The following TRPM7 variants were observed in gnomAD, a reference collection of about 807,000 sequenced individuals.
The protein encoded by TRPM7 is transient receptor potential cation channel subfamily M member 7.
A neutral mutation model predicts 229.7 loss-of-function variants in TRPM7; 134 were observed. The ratio of observed to expected loss-of-function variants is 0.58; its 90% CI spans 0.51 to 0.67. TRPM7 has a LOEUF of 0.67. Among genes scored for constraint, TRPM7 ranks in the 30% least tolerant of loss-of-function variants. The pLI is 0.00. For missense variants in TRPM7, 1,901 were observed against 2,210.0 expected (o/e 0.86, Z 2.80); for synonymous variants, 699 against 715.2 (o/e 0.98, Z 0.36).
chr15:50,659,836 T>G (rs2061682114), intron 2 of TRPM7, among the ~76,000 whole-genome samples: 1 of 152,030 alleles, frequency 6.6e-6, no homozygotes, highest in Non-Finnish European at 1.5e-5. Flanking sequence ...CCCAGCTAGT[T>G]TTTATATTTT....
intron 21 of TRPM7, among the ~76,000 whole-genome samples, chr15:50,600,996 G>C (rs1470429758): frequency 6.6e-6 from 1 of 152,190 alleles, no homozygotes; most frequent in Admixed American, 6.5e-5. Flanking sequence ...GAACAGTACT[G>C]AGAGAATGCA....
chr15:50,680,010 G>A (rs2062207591), intron 1 of TRPM7, among the ~76,000 whole-genome samples: 1 of 152,014 alleles, frequency 6.6e-6, no homozygotes, highest in Non-Finnish European at 1.5e-5. Context: ...AAGGTGGGTG[G>A]ATCACTTGAG....
At chr15:50,675,590 T>C (rs2062076256) in intron 1 of TRPM7, among the ~76,000 whole-genome samples, 1 of 152,200 alleles carries the variant, frequency 6.6e-6, no homozygotes, top group Admixed American at 6.5e-5. Flanking sequence ...AAAGTTTTTA[T>C]AGTTTTTGAA....
intron 3 of TRPM7, among the ~76,000 whole-genome samples, chr15:50,657,319 G>A (rs980936393): frequency 1.3e-5 from 2 of 152,112 alleles, no homozygotes; most frequent in Admixed American, 6.6e-5. Flanking sequence ...GCAAGACTCC[G>A]TCTCAAAATA....
rs1356401604 is a variant in TRPM7 at position 50,671,051 on chromosome 15, T to A, written c.4-8005A>T. 1.3e-5 allele frequency among the ~76,000 whole-genome samples: 2 copies of A among 152,208 alleles called. 1 individual carries two copies. Among genetic ancestry groups the A allele is most frequent in the Middle Eastern group, 6.3e-3 (2 of 316 alleles). ...TTATCATATACATTGCCTCACATAC[T>A]ATTTTTTTGTGGTGAGACCACTTAA... On this transcript the variant is annotated intron_variant, in intron 1 of 38. Coordinates refer to ENST00000646667, the MANE Select transcript of TRPM7 (RefSeq NM_017672.6).
At chr15:50,581,857 C>T (rs2054429089) in intron 29 of TRPM7, among the ~76,000 whole-genome samples, 1 of 152,004 alleles carries the variant, frequency 6.6e-6, no homozygotes, top group Non-Finnish European at 1.5e-5. Flanking sequence ...ATATATTTTC[C>T]ATCTGACTAT....
intron 36 of TRPM7, 121 bp downstream of exon 36, chr15:50,574,153 T>C: frequency 1.3e-6 from 1 of 789,468 alleles, no homozygotes; most frequent in Non-Finnish European, 2.0e-6. Flanking sequence ...TAACTTGCTT[T>C]TTTATAGCTT....
chr15:50,630,922 A>G (rs574590692), intron 10 of TRPM7, among the ~76,000 whole-genome samples: 14 of 151,916 alleles, frequency 9.2e-5, no homozygotes, highest in African/African-American at 2.9e-4. Flanking sequence ...TGCAGCCTCA[A>G]CTTTCCAGGA....
At chr15:50,622,537 T>C (rs1309247645) in intron 12 of TRPM7, among the ~76,000 whole-genome samples, 2 of 152,220 alleles carry the variant, frequency 1.3e-5, no homozygotes, top group African/African-American at 2.4e-5. Flanking sequence ...ATCTGTCCAC[T>C]AGGGACAGTA....
At chr15:50,643,859 A>C (rs941639395) in intron 4 of TRPM7, among the ~76,000 whole-genome samples, 27 of 152,156 alleles carry the variant, frequency 1.8e-4, no homozygotes, top group African/African-American at 6.5e-4. Flanking sequence ...TGCAGTATTT[A>C]TTGCCTTCTT....
chr15:50,674,722 C>T lies in TRPM7; in HGVS notation c.4-11676G>A, dbSNP rs1330796366. ...TGTTAGCATTTCTTGTAACACAGGTCTAGTCTCTGAGCTTTTGTCTGGGAA... is the reference window on the plus strand; with the variant it reads ...TGTTAGCATTTCTTGTAACACAGGTTTAGTCTCTGAGCTTTTGTCTGGGAA... On this transcript the variant is annotated intron_variant, in intron 1 of 38. Coordinates refer to ENST00000646667, the MANE Select transcript of TRPM7 (RefSeq NM_017672.6). Among the ~76,000 whole-genome samples, 3 of 152,106 alleles carry T rather than the reference C, an allele frequency of 2.0e-5. No individual in the cohort carries two copies. The East Asian group carries it at 5.8e-4, about 29-fold the overall frequency.
At chr15:50,586,586 A>C in intron 27 of TRPM7, 98 bp from the exon 28 acceptor site, 1 of 704,666 alleles carries the variant, frequency 1.4e-6, no homozygotes, top group Non-Finnish European at 2.4e-6. Context: ...TATTTAGCTC[A>C]ATATGCTTTA....
At chr15:50,684,515 C>T (rs953211754) in intron 1 of TRPM7, among the ~76,000 whole-genome samples, 1 of 151,940 alleles carries the variant, frequency 6.6e-6, no homozygotes, top group Admixed American at 6.6e-5. Context: ...GTGGCTCGCA[C>T]CTGGAGTCCC....
At chr15:50,589,390 C>T (rs1042910034) in intron 27 of TRPM7, among the ~76,000 whole-genome samples, 4 of 148,614 alleles carry the variant, frequency 2.7e-5, no homozygotes, top group Non-Finnish European at 5.9e-5. Flanking sequence ...AGTATAATTA[C>T]GCAAGCTGTT....
Position 50,561,821 on chromosome 15 carries a change from C to T in TRPM7, c.5468-13G>A. On this transcript the variant is annotated splice_polypyrimidine_tract_variant and intron_variant, in intron 38 of 38. Transcript: ENST00000646667. ...TTCCTCTTCAGATCTACATTGAACA[C>T]CCACAACAATTAAAAAAAAAAAAGA... 2 of 1,500,546 alleles carry T rather than the reference C, an allele frequency of 1.3e-6. No individual in the cohort carries two copies. The highest frequency in any genetic ancestry group is 2.6e-5 in the South Asian group (2 of 76,726). The allele number at this position is 1,500,546 out of a possible 1,614,324, so 93.0% of individuals were successfully genotyped here.
intron 2 of TRPM7, among the ~76,000 whole-genome samples, chr15:50,658,065 C>T (rs1193395703): frequency 4.1e-5 from 6 of 147,666 alleles, no homozygotes; most frequent in African/African-American, 1.2e-4. Flanking sequence ...AGTCCAATGG[C>T]GCAATCTCAG....
intron 1 of TRPM7, among the ~76,000 whole-genome samples, chr15:50,664,729 G>A (rs12439783): frequency 0.15 from 22,389 of 152,204 alleles, 2,220 homozygotes; most frequent in Admixed American, 0.28. Flanking sequence ...CACTCTGGGA[G>A]GCAGGAAGAT....
chr15:50,610,487 T>G (rs1007458428), intron 17 of TRPM7, among the ~76,000 whole-genome samples: 1 of 152,160 alleles, frequency 6.6e-6, no homozygotes, highest in Non-Finnish European at 1.5e-5. Flanking sequence ...CTGTTGGTTA[T>G]TCAGTGGCCT....
chr15:50,669,981 T>C (rs1260388423), intron 1 of TRPM7, among the ~76,000 whole-genome samples: 2 of 152,198 alleles, frequency 1.3e-5, no homozygotes, highest in African/African-American at 2.4e-5. Flanking sequence ...ACTCTTTGTA[T>C]AGGAATGCAG....
Sources: gnomAD v4.1 joint callset for allele counts (sites outside exome capture counted in the v4.1 genomes callset) on GRCh38, gnomAD v4.1.1 for gene constraint, MANE v1.5 for transcripts, NCBI Gene and HGNC (gene_info 2026-07-23, HGNC 2026-07-21) for gene names.